Variants in FAM200B observed in about 807,000 individuals in gnomAD.
The protein encoded by FAM200B is protein FAM200B.
Under a neutral mutation model 33.1 loss-of-function variants are expected in FAM200B, and 32 were observed. The ratio of observed to expected loss-of-function variants is 0.97; its 90% CI spans 0.73 to 1.30. The LOEUF (loss-of-function observed/expected upper bound fraction) is 1.30, where lower values mean the gene tolerates loss of function less well. Ranked by LOEUF, FAM200B falls within the 50% of genes most tolerant of loss-of-function variation. The pLI is 0.00. For synonymous variants in FAM200B, 240 were observed against 264.8 expected (o/e 0.91, Z 0.91); for missense variants, 741 against 754.0 (o/e 0.98, Z 0.20).
rs1393499163 is a variant in FAM200B at position 15,687,364 on chromosome 4, A to G, written c.387A>G (p.Ile129Met). 7.8e-6 allele frequency: 12 copies of G among 1,546,594 alleles called. No homozygotes were observed. The highest frequency in any genetic ancestry group is 1.2e-5 in the South Asian group (1 of 83,064). Residue 129 changes from isoleucine (I) to methionine (M), a missense_variant, in exon 2 of 2, where the codon ATA becomes ATG. Transcript: ENST00000422728. Reference sequence around the variant, plus strand: ...ATTTTCAAAGAAAGAAAAAAGACATAAAGTTATCAACACAATTTCTTAGTT... The same window carrying G: ...ATTTTCAAAGAAAGAAAAAAGACATGAAGTTATCAACACAATTTCTTAGTT... ...LEYFQRKKKDIKLSTQFLSCS... is the reference protein window; with the variant it reads ...LEYFQRKKKDMKLSTQFLSCS...
At chr4:15,650,725 T>G in the FAM200B span, among the ~76,000 whole-genome samples, 1 of 134,608 alleles carries the variant, frequency 7.4e-6, no homozygotes, top group Non-Finnish European at 1.5e-5. Flanking sequence ...TGGAGTGCAA[T>G]CGCCAATTCC....
the FAM200B span, among the ~76,000 whole-genome samples, chr4:15,658,536 A>C: frequency 6.6e-6 from 1 of 152,134 alleles, no homozygotes; most frequent in Non-Finnish European, 1.5e-5. Flanking sequence ...GTGGCTTTAC[A>C]AGAGGAAGAA....
At chr4:15,640,983 A>G in the FAM200B span, 1 of 559,288 alleles carries the variant, frequency 1.8e-6, no homozygotes. Flanking sequence ...CTCCGGGGAA[A>G]AAAAAATAGA....
At chr4:15,671,116 G>T in the FAM200B span, among the ~76,000 whole-genome samples, 6 of 151,564 alleles carry the variant, frequency 4.0e-5, no homozygotes, top group Non-Finnish European at 8.8e-5. Flanking sequence ...TAGAGATGGG[G>T]TTTCTCCATG....
chr4:15,656,662 T>C, the FAM200B span, among the ~76,000 whole-genome samples: 7 of 152,240 alleles, frequency 4.6e-5, no homozygotes, highest in African/African-American at 1.4e-4. Context: ...TTCCTGGTTT[T>C]GCCAGACACT....
chr4:15,655,381 A>C, the FAM200B span: 1 of 1,079,320 alleles, frequency 9.3e-7, no homozygotes, highest in Non-Finnish European at 1.1e-6. Flanking sequence ...CCCCTTGCGC[A>C]TGCGCCCGCC....
At chr4:15,645,643 G>A in the FAM200B span, among the ~76,000 whole-genome samples, 12 of 151,936 alleles carry the variant, frequency 7.9e-5, no homozygotes, top group African/African-American at 2.9e-4. Flanking sequence ...TGGCCAGGCT[G>A]GTCTTGAACT....
At chr4:15,644,820 C>T in the FAM200B span, 3 of 696,426 alleles carry the variant, frequency 4.3e-6, no homozygotes, top group Non-Finnish European at 7.0e-6. Context: ...TTCCCTTACA[C>T]TTGGTTAAAG....
chr4:15,649,164 C>CA, the FAM200B span, among the ~76,000 whole-genome samples: 47 of 137,012 alleles, frequency 3.4e-4, no homozygotes, highest in Admixed American at 1.5e-3. Context: ...AAAACAAAGC[C>CA]AAAAAAAAAA....
At chr4:15,654,593 A>T in the FAM200B span, among the ~76,000 whole-genome samples, 12 of 152,246 alleles carry the variant, frequency 7.9e-5, no homozygotes, top group Admixed American at 7.2e-4. Flanking sequence ...ACACATGAAG[A>T]GTGAAGGTTC....
chr4:15,646,861 T>C, the FAM200B span, among the ~76,000 whole-genome samples: 17 of 152,022 alleles, frequency 1.1e-4, no homozygotes, highest in Non-Finnish European at 2.2e-4. Context: ...GATATTATTT[T>C]TTTAATGGCA....
At chr4:15,674,065 A>C in the FAM200B span, among the ~76,000 whole-genome samples, 1 of 152,240 alleles carries the variant, frequency 6.6e-6, no homozygotes. Context: ...GATACATTCA[A>C]GGAAAAAACT....
chr4:15,640,728 A>T, the FAM200B span: 1 of 922,576 alleles, frequency 1.1e-6, no homozygotes, highest in Non-Finnish European at 1.6e-6. Context: ...GAGTCTCTAA[A>T]GCAAAATAGT....
upstream of FAM200B, among the ~76,000 whole-genome samples, chr4:15,678,330 AAT>A (rs1420182648): frequency 6.6e-6 from 1 of 152,192 alleles, no homozygotes; most frequent in African/African-American, 2.4e-5. Context: ...CTTATTTCCC[AAT>A]AACTTACTCA....
At chr4:15,638,902 C>T in the FAM200B span, among the ~76,000 whole-genome samples, 6 of 152,170 alleles carry the variant, frequency 3.9e-5, no homozygotes, top group African/African-American at 1.4e-4. Flanking sequence ...CGGTGGCTAA[C>T]ACCTGTAATC....
At chr4:15,655,691 C>T in the FAM200B span, among the ~76,000 whole-genome samples, 1 of 152,230 alleles carries the variant, frequency 6.6e-6, no homozygotes. Flanking sequence ...TGAGGAGAGG[C>T]AGCCAAGCAC....
chr4:15,639,698 TA>T, the FAM200B span, among the ~76,000 whole-genome samples: 3 of 152,360 alleles, frequency 2.0e-5, no homozygotes, highest in Non-Finnish European at 1.5e-5. Flanking sequence ...ACACTGGCTG[TA>T]TATTACAATG....
At chr4:15,640,265 C>T in the FAM200B span, among the ~76,000 whole-genome samples, 2 of 151,490 alleles carry the variant, frequency 1.3e-5, no homozygotes, top group Non-Finnish European at 2.9e-5. Flanking sequence ...TGGTCTTGAA[C>T]TCGTGAGTTC....
chr4:15,653,156 T>C, the FAM200B span, among the ~76,000 whole-genome samples: 197 of 152,300 alleles, frequency 1.3e-3, 2 homozygotes, highest in African/African-American at 4.5e-3. Context: ...ATTGGACTTT[T>C]AATCTTCGTG....
Sources: allele counts gnomAD v4.1 joint callset (sites outside exome capture counted in the v4.1 genomes callset), GRCh38; gene constraint gnomAD v4.1.1; transcripts MANE v1.5; gene names NCBI Gene and HGNC (gene_info 2026-07-23, HGNC 2026-07-21).